ANK3: variants seen among roughly 807,000 people sequenced by gnomAD.
ANK3 encodes the protein ankyrin 3, also known as ankyrin-3.
Under a neutral mutation model 370.9 loss-of-function variants are expected in ANK3, and 57 were observed. The ratio of observed to expected loss-of-function variants is 0.15; its 90% CI spans 0.12 to 0.19. The LOEUF (loss-of-function observed/expected upper bound fraction) is 0.19. ANK3 is among the 10% of genes least tolerant of loss of function. The pLI is 1.00. For synonymous variants in ANK3, 1,929 were observed against 1,946.3 expected (o/e 0.99, Z 0.23); for missense variants, 4,439 against 5,302.1 (o/e 0.84, Z 5.06).
chr10:60,687,533 A>ACACACACACACACACACAC (rs375712984), intron 1 of ANK3, among the ~76,000 whole-genome samples: 33 of 68,594 alleles, frequency 4.8e-4, no homozygotes, highest in African/African-American at 1.3e-3. Context: ...GGTATAAAAA[A>ACACACACACACACACACAC]AAACACACAC....
chr10:60,393,966 G>T (rs1006372903), upstream of ANK3, among the ~76,000 whole-genome samples: 3 of 151,766 alleles, frequency 2.0e-5, no homozygotes, highest in Non-Finnish European at 4.4e-5. Context: ...GGCTGCCAGG[G>T]AGGGTGTGCC....
At chr10:60,429,341 A>G (rs937317985) in intron 2 of ANK3, among the ~76,000 whole-genome samples, 2 of 152,136 alleles carry the variant, frequency 1.3e-5, no homozygotes, top group Admixed American at 6.5e-5. Context: ...AGTAAAAGGG[A>G]CTTATATAAG....
At chr10:60,180,615 C>CAAAAAAAAAAAAAAA (rs990463587) in intron 18 of ANK3, among the ~76,000 whole-genome samples, 5 of 106,150 alleles carry the variant, frequency 4.7e-5, no homozygotes, top group African/African-American at 7.0e-5. Context: ...AAAAAAAAAC[C>CAAAAAAAAAAAAAAA]AAAAAAAAAA....
intron 8 of ANK3, among the ~76,000 whole-genome samples, chr10:60,229,814 T>A (rs1370841993): frequency 6.6e-6 from 1 of 152,210 alleles, no homozygotes; most frequent in Non-Finnish European, 1.5e-5. Context: ...TTATTAGGCA[T>A]TTAATATGCA....
Position 60,166,591 on chromosome 10 carries a change from C to T in ANK3, c.2614G>A (p.Gly872Ser), listed in dbSNP as rs769387111. The T allele has an allele frequency of 6.8e-6, 11 of 1,612,454 alleles. No homozygotes were observed. The Admixed American group carries it at 1.8e-4, about 27-fold the overall frequency. Residue 872 changes from glycine (G) to serine (S), a missense_variant and splice_region_variant, in exon 23 of 44, where the codon GGT becomes AGT. Physicochemically the swap from Gly to Ser is moderately conservative, Grantham distance 56. Coordinates refer to ENST00000280772, the MANE Select transcript of ANK3 (RefSeq NM_020987.5). ...CATCACAATAAAAATTTACAAATAC[C>T]TTCTTCAACATCTGAGATATATTCG... ...DGEYISDVEE[G>S]EDAMTGDTDK... is the part of the protein sequence containing the mutation.
At position 60,717,460 on chromosome 10, in the gene ANK3, C is replaced by T. The variant is rs1220425697; in HGVS notation, c.57+15803G>A. 2.0e-5 allele frequency among the ~76,000 whole-genome samples: 3 copies of T among 152,020 alleles called. No homozygotes were observed. The East Asian group carries it at 5.8e-4, about 29-fold the overall frequency. On this transcript the variant is annotated intron_variant, in intron 1 of 43. Coordinates refer to the ANK3 transcript ENST00000373827. ...AGCCTGTCTCTTTGAGTCCAGTGTG[C>T]CATGTTATTAAAAAGGTTCATCTCT...
chr10:60,061,117 T>TC (rs2080365077), intron 40 of ANK3, among the ~76,000 whole-genome samples: 1 of 152,190 alleles, frequency 6.6e-6, no homozygotes, highest in African/African-American at 2.4e-5. Context: ...TTTCCATCAG[T>TC]CCCAGGTAAA....
At chr10:60,581,252 C>A (rs1413749811) in intron 2 of ANK3, among the ~76,000 whole-genome samples, 1 of 152,094 alleles carries the variant, frequency 6.6e-6, no homozygotes, top group Non-Finnish European at 1.5e-5. Flanking sequence ...TGAGAGACAG[C>A]ATTGACATAG....
intron 16 of ANK3, among the ~76,000 whole-genome samples, chr10:60,190,779 C>A (rs2096463049): frequency 6.6e-6 from 1 of 152,134 alleles, no homozygotes; most frequent in South Asian, 2.1e-4. Context: ...ATAGCTAAAG[C>A]AATCCTAAGC....
At chr10:60,729,316 A>G (rs75316486) in intron 1 of ANK3, among the ~76,000 whole-genome samples, 4,495 of 152,262 alleles carry the variant, frequency 0.03, 85 homozygotes, top group Non-Finnish European at 0.041. Flanking sequence ...CTTGTAGAGC[A>G]TATCCTCAGC....
chr10:60,083,334 G>C (rs532387486), intron 33 of ANK3, among the ~76,000 whole-genome samples, 158 bp downstream of exon 33: 44 of 152,290 alleles, frequency 2.9e-4, no homozygotes, highest in Non-Finnish European at 6.0e-4. Context: ...TTACTGGCTT[G>C]AAAGTATACT....
Position 60,389,799 on chromosome 10 carries a change from C to A in ANK3, c.-261G>T. 1.6e-6 allele frequency: 2 copies of A among 1,264,254 alleles called. No homozygotes were observed. The highest frequency in any genetic ancestry group is 1.5e-5 in the African/African-American group (1 of 65,414). 78.3% of individuals were successfully genotyped at this position (1,264,254 alleles called of 1,614,324 possible). ...AGTGCAGCCATCGTAATGCATTTAC[C>A]GTAGTGAAGAAGACAGCTGGGACAG... is the stretch of plus-strand genomic sequence containing the variant. On this transcript the variant is annotated 5_prime_UTR_variant, in exon 1 of 44. Transcript: ENST00000280772.
intron 2 of ANK3, among the ~76,000 whole-genome samples, chr10:60,481,961 C>T (rs779738928): frequency 1.3e-5 from 2 of 152,246 alleles, no homozygotes; most frequent in Non-Finnish European, 2.9e-5. Context: ...CAGGCATGTC[C>T]AGAAGCGTCA....
At chr10:60,164,361 C>T (rs1417855904) in intron 23 of ANK3, among the ~76,000 whole-genome samples, 3 of 151,798 alleles carry the variant, frequency 2.0e-5, no homozygotes, top group South Asian at 4.2e-4. Context: ...TCTGCTTTGA[C>T]GAGACTAAAA....
chr10:60,295,000 G>A lies in ANK3; in HGVS notation c.115-15361C>T, dbSNP rs72822238. Among the ~76,000 whole-genome samples, 821 of 152,242 alleles carry A rather than the reference G, an allele frequency of 5.4e-3. 4 individuals are homozygous for A. The highest frequency in any genetic ancestry group is 9.9e-3 in the South Asian group (48 of 4,826). ...ACTTTACCCCAAATTTAAGGTAACC[G>A]CTGGACTCTGTCATTATAAGTAGTT... is the stretch of plus-strand genomic sequence containing the variant. On this transcript the variant is annotated intron_variant, in intron 1 of 43. Coordinates refer to ENST00000280772, the MANE Select transcript of ANK3 (RefSeq NM_020987.5).
chr10:60,587,832 T>A (rs1015022008), intron 2 of ANK3, among the ~76,000 whole-genome samples: 1 of 152,196 alleles, frequency 6.6e-6, no homozygotes, highest in Non-Finnish European at 1.5e-5. Context: ...AAATTGTTGA[T>A]AAAAGCAAGT....
intron 2 of ANK3, among the ~76,000 whole-genome samples, chr10:60,473,151 G>A (rs745630459): frequency 8.6e-5 from 13 of 152,042 alleles, no homozygotes; most frequent in Non-Finnish European, 1.8e-4. Flanking sequence ...TTCCAATTTC[G>A]TAATATCCAC....
At chr10:60,353,626 C>T (rs1340592334) in intron 1 of ANK3, among the ~76,000 whole-genome samples, 2 of 152,172 alleles carry the variant, frequency 1.3e-5, no homozygotes, top group Non-Finnish European at 2.9e-5. Context: ...AGCTGAACAG[C>T]CGAGGCAGAA....
intron 2 of ANK3, among the ~76,000 whole-genome samples, chr10:60,461,771 G>T (rs141589788): frequency 1.3e-5 from 2 of 152,130 alleles, no homozygotes; most frequent in African/African-American, 2.4e-5. Flanking sequence ...CGAAAATCAC[G>T]CAATCAAATA....
Sources: gnomAD v4.1 joint callset for allele counts (sites outside exome capture counted in the v4.1 genomes callset) on GRCh38, gnomAD v4.1.1 for gene constraint, MANE v1.5 for transcripts, NCBI Gene and HGNC (gene_info 2026-07-23, HGNC 2026-07-21) for gene names.